ENAH: variants seen among roughly 807,000 people sequenced by gnomAD.
ENAH encodes the protein ENAH actin regulator, also known as protein enabled homolog.
ENAH carries 23 observed loss-of-function variants against 78.7 expected under a neutral mutation model. The ratio of observed to expected loss-of-function variants is 0.29; its 90% CI spans 0.21 to 0.41. ENAH has a LOEUF of 0.41. Ranked by LOEUF, ENAH falls within the 10% of genes least tolerant of loss-of-function variation. The pLI is 1.00. For missense variants in ENAH, 544 were observed against 691.0 expected (o/e 0.79, Z 2.39); for synonymous variants, 226 against 241.0 (o/e 0.94, Z 0.58).
rs996084146 is a variant in ENAH, at chr1:225,513,943, C to T, written c.1218+653G>A. ...GGTGGAGGTTGCAGTGAGCTGAGAT[C>T]GCGCCATGGCACTCCAGTCTGGATA... On this transcript the variant is annotated intron_variant, in intron 7 of 13. Transcript: ENST00000366843. Among the ~76,000 whole-genome samples the T allele has an allele frequency of 3.3e-5, 5 of 151,690 alleles. No homozygotes were observed. In the East Asian group the frequency reaches 5.9e-4, roughly 18 times the overall value.
intron 1 of ENAH, among the ~76,000 whole-genome samples, chr1:225,621,336 A>G (rs2148256764): frequency 6.8e-6 from 1 of 146,794 alleles, no homozygotes; most frequent in Non-Finnish European, 1.5e-5. Flanking sequence ...TCTGTCGCCC[A>G]GGCTGGAGTG....
chr1:225,634,983 A>G (rs141809869), intron 1 of ENAH, among the ~76,000 whole-genome samples: 3 of 152,234 alleles, frequency 2.0e-5, no homozygotes, highest in African/African-American at 4.8e-5. Flanking sequence ...TTGTGTCTGC[A>G]TATCAATTTA....
At chr1:225,532,043 AC>A (rs895334093) in intron 3 of ENAH, among the ~76,000 whole-genome samples, 5 of 152,090 alleles carry the variant, frequency 3.3e-5, no homozygotes, top group African/African-American at 1.2e-4. Flanking sequence ...ACAAAAAAAA[AC>A]AAAACTTTTG....
At chr1:225,622,215 T>C (rs929123086) in intron 1 of ENAH, among the ~76,000 whole-genome samples, 2 of 152,192 alleles carry the variant, frequency 1.3e-5, no homozygotes, top group African/African-American at 4.8e-5. Context: ...TGTGTTCATA[T>C]GTTTATATAT....
At chr1:225,625,266 T>C (rs1222102895) in intron 1 of ENAH, among the ~76,000 whole-genome samples, 1 of 152,210 alleles carries the variant, frequency 6.6e-6, no homozygotes, top group Admixed American at 6.5e-5. Context: ...CTTAAATTCT[T>C]AGCTCAAATT....
intron 10 of ENAH, 123 bp downstream of exon 10, chr1:225,511,688 G>C (rs2096377756): frequency 1.7e-6 from 1 of 588,304 alleles, no homozygotes; most frequent in Non-Finnish European, 2.9e-6. Context: ...TGGGAACAAA[G>C]AACTCTGGCA....
At chr1:225,647,103 G>T (rs532369918) in intron 1 of ENAH, among the ~76,000 whole-genome samples, 1 of 152,270 alleles carries the variant, frequency 6.6e-6, no homozygotes, top group East Asian at 1.9e-4. Context: ...GCACGCGCCT[G>T]TAGTCTCAGC....
At chr1:225,507,009 A>G (rs2096337015) in intron 11 of ENAH, among the ~76,000 whole-genome samples, 1 of 152,106 alleles carries the variant, frequency 6.6e-6, no homozygotes, top group Non-Finnish European at 1.5e-5. Context: ...TCTGGGAAAA[A>G]TACAAGTCCT....
intron 3 of ENAH, among the ~76,000 whole-genome samples, chr1:225,549,138 C>T (rs530400100): frequency 6.6e-6 from 1 of 152,248 alleles, no homozygotes; most frequent in Admixed American, 6.5e-5. Context: ...GTGTATGCCA[C>T]CGCACCTGGC....
chr1:225,570,578 C>G (rs1379402075), intron 1 of ENAH, among the ~76,000 whole-genome samples: 1 of 152,064 alleles, frequency 6.6e-6, no homozygotes, highest in Non-Finnish European at 1.5e-5. Flanking sequence ...CTATAATGAT[C>G]CATGTCCATT....
At chr1:225,618,191 T>C (rs1656146495) in intron 1 of ENAH, among the ~76,000 whole-genome samples, 1 of 152,178 alleles carries the variant, frequency 6.6e-6, no homozygotes. Flanking sequence ...CTGGTCTCCA[T>C]TCTCATCCAA....
intron 3 of ENAH, among the ~76,000 whole-genome samples, chr1:225,542,554 T>C (rs1283404625): frequency 1.3e-5 from 2 of 152,230 alleles, no homozygotes; most frequent in Admixed American, 1.3e-4. Flanking sequence ...AGAAGCTGCT[T>C]ACCAAGAAGC....
chr1:225,518,991 T>C (rs1172417827), intron 5 of ENAH: 1 of 775,324 alleles, frequency 1.3e-6, no homozygotes, highest in Admixed American at 3.3e-5. Context: ...CCAAGAGCTT[T>C]CTTTAAGTCT....
chr1:225,527,916 TAATC>T (rs915646609), intron 4 of ENAH, among the ~76,000 whole-genome samples: 18 of 152,142 alleles, frequency 1.2e-4, no homozygotes, highest in African/African-American at 4.3e-4. Flanking sequence ...TGTGTTATCT[TAATC>T]AACTCAACAA....
chr1:225,527,790 A>G (rs528702261), intron 4 of ENAH, among the ~76,000 whole-genome samples: 1 of 151,974 alleles, frequency 6.6e-6, no homozygotes, highest in Non-Finnish European at 1.5e-5. Flanking sequence ...TTTCCCTTCT[A>G]TGACTGGAAA....
intron 11 of ENAH, 150 bp from the exon 12 acceptor site, chr1:225,501,220 C>T: frequency 1.9e-6 from 1 of 540,028 alleles, no homozygotes; most frequent in Non-Finnish European, 3.3e-6. Context: ...AATTGTAGGG[C>T]TGATTAGAAC....
intron 2 of ENAH, 28 bp from the exon 3 acceptor site, chr1:225,555,111 C>G: frequency 2.7e-6 from 4 of 1,489,428 alleles, no homozygotes; most frequent in Non-Finnish European, 3.6e-6. Context: ...TTTATAAAGT[C>G]AAACCAATAA....
chr1:225,581,325 C>T, intron 1 of ENAH: 11 of 982,870 alleles, frequency 1.1e-5, no homozygotes, highest in Non-Finnish European at 1.3e-5. Flanking sequence ...AAATACTTTC[C>T]AAGCACCGTA....
intron 1 of ENAH, among the ~76,000 whole-genome samples, chr1:225,604,570 G>T (rs1211043672): frequency 1.3e-5 from 2 of 151,036 alleles, no homozygotes; most frequent in Non-Finnish European, 2.9e-5. Flanking sequence ...GATCACTTGA[G>T]GTCAGGAGTT....
Sources: allele counts gnomAD v4.1 joint callset (sites outside exome capture counted in the v4.1 genomes callset), GRCh38; gene constraint gnomAD v4.1.1; transcripts MANE v1.5; gene names NCBI Gene and HGNC (gene_info 2026-07-23, HGNC 2026-07-21).